The following MYBPC1 variants were observed in gnomAD, a reference collection of about 807,000 sequenced individuals.
MYBPC1 encodes the protein myosin binding protein C1.
Under a neutral mutation model 147.1 loss-of-function variants are expected in MYBPC1, and 52 were observed. That is an observed-to-expected ratio of 0.35 (90% CI 0.28 to 0.45). The LOEUF (loss-of-function observed/expected upper bound fraction) is 0.45. MYBPC1 is among the 20% of genes least tolerant of loss of function. The pLI, the probability that MYBPC1 is intolerant of heterozygous loss-of-function variation, is 1.00. For missense variants in MYBPC1, 1,228 were observed against 1,440.3 expected, an observed-to-expected ratio of 0.85 and a Z score of 2.39; for synonymous variants, 477 against 475.9, an observed-to-expected ratio of 1.00 and a Z score of -0.03.
downstream of MYBPC1, among the ~76,000 whole-genome samples, chr12:101,688,012 T>G (rs1449299567): frequency 6.6e-6 from 1 of 152,194 alleles, no homozygotes; most frequent in African/African-American, 2.4e-5. Context: ...GCAAAAAATA[T>G]CAGAAGCTAT....
chr12:101,682,635 A>G lies in MYBPC1; in HGVS notation c.3465A>G (p.Gln1155=), dbSNP rs1230567858. ...VIYQGVNTPG[Q]PVFLEGQQQS... ...ATCAAGGAGTAAATACCCCTGGACA[A>G]CCAGTCTTCCTGGAGGGGCAGCAAC... The change falls in exon 30 of 32, where the codon CAA becomes CAG. Residue 1155 remains glutamine (Q), a synonymous_variant. Transcript: ENST00000361466. The G allele has an allele frequency of 6.2e-7, 1 of 1,613,376 alleles. No homozygotes were observed. Among genetic ancestry groups the G allele is most frequent in the Admixed American group, 1.7e-5 (1 of 60,004 alleles).
chr12:101,627,042 G>A, intron 4 of MYBPC1, 132 bp downstream of exon 4: 1 of 778,344 alleles, frequency 1.3e-6, no homozygotes, highest in Non-Finnish European at 2.1e-6. Context: ...GCCTGTGCTG[G>A]CACCAAGAAG....
chr12:101,681,701 T>C (rs1951012467), intron 29 of MYBPC1, among the ~76,000 whole-genome samples: 1 of 142,068 alleles, frequency 7.0e-6, no homozygotes, highest in South Asian at 2.4e-4. Flanking sequence ...CTCTGCCTCC[T>C]GGGTTCAAGC....
chr12:101,647,035 C>A, intron 13 of MYBPC1, 148 bp downstream of exon 13: 2 of 1,009,760 alleles, frequency 2.0e-6, no homozygotes, highest in Non-Finnish European at 3.0e-6. Context: ...AAGACTAGAA[C>A]AGCAGAGGGG....
intron 19 of MYBPC1, among the ~76,000 whole-genome samples, chr12:101,660,761 A>C (rs151311291): frequency 1.3e-5 from 2 of 152,152 alleles, no homozygotes; most frequent in Non-Finnish European, 2.9e-5. Flanking sequence ...GAGGCCTCAC[A>C]ATCATGGTGG....
intron 13 of MYBPC1, 94 bp downstream of exon 13, chr12:101,646,981 C>T (rs1028015148): frequency 6.7e-7 from 1 of 1,485,514 alleles, no homozygotes; most frequent in Non-Finnish European, 9.4e-7. Flanking sequence ...GGCTCCTCTA[C>T]ACTGGCAGCT....
chr12:101,671,909 C>A (rs1898824686), intron 24 of MYBPC1, among the ~76,000 whole-genome samples: 1 of 152,196 alleles, frequency 6.6e-6, no homozygotes, highest in African/African-American at 2.4e-5. Flanking sequence ...AACATTTTCT[C>A]ATTTGATCCT....
Position 101,685,738 on chromosome 12 carries a change from T to G in MYBPC1, c.*176T>G, listed in dbSNP as rs1951314891. The G allele has an allele frequency of 7.8e-7, 1 of 1,290,232 alleles. No homozygotes were observed. The highest frequency in any genetic ancestry group is 2.3e-5 in the Admixed American group (1 of 43,826). The allele number at this position is 1,290,232 out of a possible 1,614,324, so 79.9% of individuals were successfully genotyped here. A position where few individuals can be genotyped will look rare whatever the true frequency, so the allele number is the denominator to read the frequency against. On this transcript the variant is annotated 3_prime_UTR_variant, in exon 32 of 32. Transcript: ENST00000361466. ...CTGCTGCTTTGAAATCTGGTTGAAA[T>G]GAGAAAAAGCATTTTCTGTTTTCCC...
At chr12:101,642,333 C>A in intron 10 of MYBPC1, 86 bp from the exon 11 acceptor site, 1 of 1,424,808 alleles carries the variant, frequency 7.0e-7, no homozygotes, top group Non-Finnish European at 9.8e-7. Context: ...TTACACTGAA[C>A]TGAAAAAGCA....
At chr12:101,625,589 G>A (rs1181001795) in intron 3 of MYBPC1, among the ~76,000 whole-genome samples, 1 of 152,090 alleles carries the variant, frequency 6.6e-6, no homozygotes, top group Non-Finnish European at 1.5e-5. Flanking sequence ...GTTGTGGTTG[G>A]TCTCCTGACT....
At chr12:101,687,142 T>A (rs1376992412), downstream of MYBPC1, among the ~76,000 whole-genome samples, 1 of 152,170 alleles carries the variant, frequency 6.6e-6, no homozygotes, top group Non-Finnish European at 1.5e-5. Flanking sequence ...GTTGCATACG[T>A]ATACATGTGC....
chr12:101,626,319 T>C (rs1888601101), intron 3 of MYBPC1, among the ~76,000 whole-genome samples: 1 of 152,140 alleles, frequency 6.6e-6, no homozygotes. Flanking sequence ...GATACAGCAT[T>C]TTCCAACACC....
At chr12:101,623,638 T>G (rs1035620716) in intron 3 of MYBPC1, among the ~76,000 whole-genome samples, 2 of 152,208 alleles carry the variant, frequency 1.3e-5, no homozygotes, top group Non-Finnish European at 2.9e-5. Flanking sequence ...CAGTTTATAT[T>G]TAATAAAGAA....
At chr12:101,626,595 T>TA (rs1237293900) in intron 3 of MYBPC1, among the ~76,000 whole-genome samples, 2 of 152,236 alleles carry the variant, frequency 1.3e-5, no homozygotes, top group African/African-American at 4.8e-5. Flanking sequence ...CATTTTTTCC[T>TA]AACCTACAGT....
Position 101,604,377 on chromosome 12 carries a change from T to G in MYBPC1, c.25+9282T>G, listed in dbSNP as rs146721497. Among the ~76,000 whole-genome samples the G allele has an allele frequency of 7.0e-3, 1,069 of 152,280 alleles. 32 individuals are homozygous for G. In the South Asian group the frequency reaches 0.098, roughly 14 times the overall value. ...TCATTGAATATTTACATGATCAAGG[T>G]ACAATTAGACTTCATCTATTCAGAA... On this transcript the variant is annotated intron_variant, in intron 1 of 31. Coordinates refer to ENST00000361466, the MANE Select transcript of MYBPC1 (RefSeq NM_002465.4).
At chr12:101,606,828 T>C (rs1210950752) in intron 1 of MYBPC1, among the ~76,000 whole-genome samples, 3 of 152,156 alleles carry the variant, frequency 2.0e-5, no homozygotes, top group Middle Eastern at 3.4e-3. Flanking sequence ...GGTACACTGT[T>C]TTTTGTTTCT....
Position 101,611,395 on chromosome 12 carries a change from T to G in MYBPC1, c.26-3101T>G, listed in dbSNP as rs1884228698. ...ATTTAGGGAACATTTACAGATTTAG[T>G]GCCCAAGATGATTCTCTTTTACGTA... On this transcript the variant is annotated intron_variant, in intron 1 of 31. Coordinates refer to ENST00000361466, the MANE Select transcript of MYBPC1 (RefSeq NM_002465.4). 2.6e-5 allele frequency among the ~76,000 whole-genome samples: 4 copies of G among 151,912 alleles called. No individual in the cohort carries two copies. The South Asian group carries it at 8.3e-4, about 31-fold the overall frequency.
chr12:101,658,857 A>C (rs1896045921), intron 18 of MYBPC1, among the ~76,000 whole-genome samples: 1 of 152,214 alleles, frequency 6.6e-6, no homozygotes, highest in Non-Finnish European at 1.5e-5. Flanking sequence ...ATACAGACAC[A>C]AAAGAGTAGA....
At chr12:101,662,280 T>G in intron 20 of MYBPC1, 78 bp from the exon 21 acceptor site, 1 of 1,473,520 alleles carries the variant, frequency 6.8e-7, no homozygotes. Flanking sequence ...TGCAAAATTT[T>G]AAGGACTTCT....
Sources: allele counts gnomAD v4.1 joint callset (sites outside exome capture counted in the v4.1 genomes callset), GRCh38; gene constraint gnomAD v4.1.1; transcripts MANE v1.5; gene names NCBI Gene and HGNC (gene_info 2026-07-23, HGNC 2026-07-21).